Variants in MACROD2 observed in about 807,000 individuals in gnomAD.
MACROD2 encodes the protein ADP-ribose glycohydrolase MACROD2.
MACROD2 carries 36 observed loss-of-function variants against 70.4 expected under a neutral mutation model. The observed-to-expected ratio is 0.51, with a 90% CI of 0.39 to 0.68. MACROD2 has a LOEUF of 0.68. Ranked by LOEUF, MACROD2 falls within the 30% of genes least tolerant of loss-of-function variation. The probability of loss-of-function intolerance (pLI) is 0.00; values close to 1 mark genes in which losing one functional copy is unlikely to be tolerated. For missense variants in MACROD2, 496 were observed against 538.4 expected (o/e 0.92, Z 0.78); for synonymous variants, 172 against 178.8 (o/e 0.96, Z 0.30).
chr20:15,757,523 A>C (rs993559285), intron 8 of MACROD2, among the ~76,000 whole-genome samples: 1 of 152,222 alleles, frequency 6.6e-6, no homozygotes, highest in African/African-American at 2.4e-5. Flanking sequence ...GGAAGAATCC[A>C]AAACTGACCA....
chr20:14,492,553 T>C (rs1379981804), intron 3 of MACROD2, among the ~76,000 whole-genome samples: 1 of 152,146 alleles, frequency 6.6e-6, no homozygotes, highest in Non-Finnish European at 1.5e-5. Flanking sequence ...CATGCTAAAA[T>C]TCAAGTAAAA....
intron 4 of MACROD2, among the ~76,000 whole-genome samples, chr20:14,570,800 A>T (rs534610929): frequency 6.6e-6 from 1 of 152,150 alleles, no homozygotes; most frequent in South Asian, 2.1e-4. Context: ...TGGGGCTAGG[A>T]ATCTTTATTT....
chr20:14,068,272 C>T (rs1024745445), intron 2 of MACROD2, among the ~76,000 whole-genome samples: 4 of 151,580 alleles, frequency 2.6e-5, no homozygotes, highest in East Asian at 1.9e-4. Context: ...ACCCCCCACC[C>T]CCCCTGTGCT....
chr20:15,186,114 CT>C (rs953357348), intron 5 of MACROD2, among the ~76,000 whole-genome samples: 3 of 151,962 alleles, frequency 2.0e-5, no homozygotes, highest in Non-Finnish European at 4.4e-5. Context: ...GTGAAAACAC[CT>C]TTTTTTTCTG....
chr20:15,366,223 A>T (rs1247325799), intron 6 of MACROD2, among the ~76,000 whole-genome samples: 1 of 152,174 alleles, frequency 6.6e-6, no homozygotes, highest in Non-Finnish European at 1.5e-5. Flanking sequence ...TTCAGAAGAA[A>T]ATTAAGTTAT....
intron 8 of MACROD2, among the ~76,000 whole-genome samples, chr20:15,690,587 A>G (rs1021560975): frequency 2.6e-5 from 4 of 152,232 alleles, no homozygotes; most frequent in Admixed American, 1.3e-4. Flanking sequence ...ATTTAAAGCC[A>G]TGGGCTGAAT....
intron 3 of MACROD2, among the ~76,000 whole-genome samples, chr20:14,342,018 T>C (rs1601509983): frequency 6.6e-6 from 1 of 152,238 alleles, no homozygotes; most frequent in Admixed American, 6.5e-5. Context: ...AGAAGCGTCC[T>C]CCAAAAGCCC....
At chr20:14,339,325 A>G (rs2082988280) in intron 3 of MACROD2, among the ~76,000 whole-genome samples, 1 of 152,238 alleles carries the variant, frequency 6.6e-6, no homozygotes, top group Non-Finnish European at 1.5e-5. Flanking sequence ...TTGAACTGCT[A>G]GGTAGTACAA....
chr20:15,257,299 G>T (rs2077208153), intron 6 of MACROD2, among the ~76,000 whole-genome samples: 1 of 151,996 alleles, frequency 6.6e-6, no homozygotes, highest in African/African-American at 2.4e-5. Context: ...ACAAATGGAA[G>T]CCTCTGGGGG....
At chr20:14,385,503 C>T (rs2083459750) in intron 3 of MACROD2, among the ~76,000 whole-genome samples, 1 of 152,078 alleles carries the variant, frequency 6.6e-6, no homozygotes, top group Admixed American at 6.5e-5. Context: ...TAACATAACC[C>T]TTTAAAGTCT....
At chr20:14,845,799 C>T (rs1223945854) in intron 5 of MACROD2, among the ~76,000 whole-genome samples, 1 of 151,944 alleles carries the variant, frequency 6.6e-6, no homozygotes, top group East Asian at 1.9e-4. Context: ...CAGAGGTTGG[C>T]TATAGAAATG....
chr20:15,448,298 C>T (rs1240279086), intron 7 of MACROD2, among the ~76,000 whole-genome samples: 1 of 152,094 alleles, frequency 6.6e-6, no homozygotes, highest in East Asian at 1.9e-4. Flanking sequence ...GCATCCTCAG[C>T]CTGCAGAACT....
chr20:15,549,053 A>T (rs528399216), intron 8 of MACROD2, among the ~76,000 whole-genome samples: 1 of 152,336 alleles, frequency 6.6e-6, no homozygotes, highest in Non-Finnish European at 1.5e-5. Context: ...AGCCCTTCAG[A>T]CTACAACTGG....
chr20:14,600,476 A>T (rs1405333557), intron 4 of MACROD2, among the ~76,000 whole-genome samples: 1 of 151,984 alleles, frequency 6.6e-6, no homozygotes, highest in African/African-American at 2.4e-5. Context: ...ACATTGTAAG[A>T]TATTGCAGAT....
intron 8 of MACROD2, among the ~76,000 whole-genome samples, chr20:15,632,423 G>A (rs1448046099): frequency 1.3e-5 from 2 of 152,130 alleles, no homozygotes; most frequent in African/African-American, 4.8e-5. Flanking sequence ...AGGGGGGCCA[G>A]TTACATGGAC....
intron 5 of MACROD2, among the ~76,000 whole-genome samples, chr20:14,809,610 C>T (rs1199712364): frequency 1.3e-5 from 2 of 151,672 alleles, no homozygotes; most frequent in African/African-American, 4.8e-5. Context: ...GAGAAAGAGA[C>T]ACAAAAAAAC....
At chr20:15,261,241 C>T (rs1473973232) in intron 6 of MACROD2, among the ~76,000 whole-genome samples, 1 of 151,810 alleles carries the variant, frequency 6.6e-6, no homozygotes, top group East Asian at 1.9e-4. Flanking sequence ...TGGAGAAGGC[C>T]AGTTTGGTGC....
intron 3 of MACROD2, among the ~76,000 whole-genome samples, chr20:14,112,469 T>C (rs1380095703): frequency 6.6e-6 from 1 of 152,052 alleles, no homozygotes; most frequent in Admixed American, 6.6e-5. Context: ...ACATATTTCA[T>C]GTACTCCATA....
intron 5 of MACROD2, among the ~76,000 whole-genome samples, chr20:15,000,205 A>T (rs1035386644): frequency 2.6e-5 from 4 of 152,158 alleles, no homozygotes; most frequent in Non-Finnish European, 4.4e-5. Context: ...TCTACATTAA[A>T]TTTTTTTTAT....
Sources: gnomAD v4.1 joint callset for allele counts (sites outside exome capture counted in the v4.1 genomes callset) on GRCh38, gnomAD v4.1.1 for gene constraint, MANE v1.5 for transcripts, NCBI Gene and HGNC (gene_info 2026-07-23, HGNC 2026-07-21) for gene names.